The following SLK variants were observed in gnomAD, a reference collection of about 807,000 sequenced individuals.
The protein encoded by SLK is STE20 like kinase.
In SLK, 67 loss-of-function variants were observed where a neutral mutation model predicts 147.7. The ratio of observed to expected loss-of-function variants is 0.45; its 90% CI spans 0.37 to 0.56. SLK has a LOEUF of 0.56. Ranked by LOEUF, SLK falls within the 20% of genes least tolerant of loss-of-function variation. The probability of loss-of-function intolerance (pLI) is 0.00; values close to 1 mark genes in which losing one functional copy is unlikely to be tolerated. For missense variants in SLK, 1,136 were observed against 1,438.8 expected (o/e 0.79, Z 3.41); for synonymous variants, 441 against 475.0 (o/e 0.93, Z 0.93).
At chr10:103,989,409 T>C (rs1286018111) in intron 1 of SLK, among the ~76,000 whole-genome samples, 1 of 151,592 alleles carries the variant, frequency 6.6e-6, no homozygotes, top group Non-Finnish European at 1.5e-5. Context: ...AACTCATTCA[T>C]TGCTGGTGTG....
At chr10:103,995,595 T>A (rs1844160658) in intron 4 of SLK, among the ~76,000 whole-genome samples, 1 of 151,574 alleles carries the variant, frequency 6.6e-6, no homozygotes, top group South Asian at 2.1e-4. Context: ...CCCAGCTAAT[T>A]TTTGTTTTTT....
At chr10:104,002,134 C>A in intron 8 of SLK, 38 bp from the exon 9 acceptor site, 4 of 1,506,172 alleles carry the variant, frequency 2.7e-6, no homozygotes, top group Non-Finnish European at 3.6e-6. Context: ...ACTCTAAGGT[C>A]ATGTTTTAAC....
In SLK at chr10:104,005,593, A is replaced by G. The variant is rs1251332238; in HGVS notation, c.2382A>G (p.Lys794=). ...GAAGACAAAAGAAAACATTGAAGAA[A>G]ACACGCAAATTTATTGTTGATGGTG... ...ETRRQKKTLK[K]TRKFIVDGVE... The change falls in exon 10 of 19, where the codon AAA becomes AAG. Residue 794 remains lysine (K), a synonymous_variant. Transcript: ENST00000369755. The G allele has an allele frequency of 6.2e-7, 1 of 1,607,098 alleles. No homozygotes were observed. The highest frequency in any genetic ancestry group is 8.5e-7 in the Non-Finnish European group (1 of 1,178,106).
At position 104,006,865 on chromosome 10, in the gene SLK, T is replaced by C. The variant is rs555668780; in HGVS notation, c.2604+830T>C. Among the ~76,000 whole-genome samples the C allele has an allele frequency of 3.9e-5, 6 of 152,302 alleles. No homozygotes were observed. In the East Asian group the frequency reaches 1.2e-3, roughly 29 times the overall value. The stretch of plus-strand genomic sequence containing the variant: ...TATTTTTATAGTACTTATATTGTTT[T>C]CCAAAACCTTATAAAATCTGTATTT... On this transcript the variant is annotated intron_variant, in intron 11 of 18. Transcript: ENST00000369755.
chr10:104,006,743 TAAAG>T (rs747198879), intron 11 of SLK, among the ~76,000 whole-genome samples: 5 of 152,224 alleles, frequency 3.3e-5, no homozygotes, highest in Non-Finnish European at 7.3e-5. Flanking sequence ...TTTTAATTGA[TAAAG>T]ATTGTTTTGT....
In SLK at chr10:104,005,222, G is replaced by A. The variant is rs1844308964; in HGVS notation, c.2350-339G>A. ...ACAAATTGAAAAGATGAAAAAAAAG[G>A]ATAACATGTAAAGTTCTACTGATTA... On this transcript the variant is annotated intron_variant, in intron 9 of 18. Transcript: ENST00000369755. Among the ~76,000 whole-genome samples the A allele has an allele frequency of 2.6e-5, 4 of 152,150 alleles. No homozygotes were observed. The South Asian group carries it at 6.2e-4, about 24-fold the overall frequency.
intron 12 of SLK, among the ~76,000 whole-genome samples, chr10:104,009,431 TAC>T (rs1305238363): frequency 6.6e-6 from 1 of 152,134 alleles, no homozygotes; most frequent in Non-Finnish European, 1.5e-5. Flanking sequence ...CATTAATAAA[TAC>T]AGTGATTTTA....
chr10:103,990,379 A>G (rs1283974974), intron 1 of SLK, among the ~76,000 whole-genome samples: 1 of 152,126 alleles, frequency 6.6e-6, no homozygotes, highest in Non-Finnish European at 1.5e-5. Flanking sequence ...CAGATGTATC[A>G]CTCTGGTGTG....
chr10:104,008,168 G>A lies in SLK; in HGVS notation c.2605-9G>A, dbSNP rs80092109. The A allele has an allele frequency of 2.5e-3, 4,004 of 1,602,010 alleles. 90 individuals carry two copies. In the African/African-American group the frequency reaches 0.048, roughly 19 times the overall value. ...AAAAGTTATCATCTTGAGCTATATT[G>A]TTTTACAGAGTAAAAAGCGACAATA... On this transcript the variant is annotated splice_polypyrimidine_tract_variant and intron_variant, in intron 11 of 18. Transcript: ENST00000369755.
intron 7 of SLK, 125 bp from the exon 8 acceptor site, chr10:104,001,319 T>G (rs1322631425): frequency 2.7e-6 from 2 of 738,426 alleles, no homozygotes; most frequent in Non-Finnish European, 4.4e-6. Flanking sequence ...TTATCTGAAG[T>G]TTTCTGTCAT....
chr10:103,980,075 C>T (rs984506566), intron 1 of SLK, among the ~76,000 whole-genome samples: 2 of 151,986 alleles, frequency 1.3e-5, no homozygotes, highest in Non-Finnish European at 1.5e-5. Flanking sequence ...ATGTAGATAC[C>T]CAGTTGTCCC....
At chr10:104,025,354 A>T (rs1844583981) in intron 18 of SLK, among the ~76,000 whole-genome samples, 1 of 152,136 alleles carries the variant, frequency 6.6e-6, no homozygotes. Flanking sequence ...TAATATAGGG[A>T]AGTTAAGTAA....
chr10:104,001,089 A>G (rs1219643571), intron 7 of SLK, among the ~76,000 whole-genome samples: 1 of 148,640 alleles, frequency 6.7e-6, no homozygotes. Context: ...AAAAAAAAGT[A>G]ATAATGTAGT....
rs150455513 is a variant in SLK, at chr10:103,967,759, A to G, written c.14A>G (p.Asn5Ser). The G allele has an allele frequency of 3.2e-5, 52 of 1,613,942 alleles. No individual in the cohort carries two copies. The highest frequency in any genetic ancestry group is 1.6e-4 in the Middle Eastern group (1 of 6,082). The change falls in exon 1 of 19, where the codon AAT becomes AGT. Residue 5 changes from asparagine (N) to serine (S), a missense_variant. By Grantham distance (46) the Asn-to-Ser change is conservative (BLOSUM62 1). Transcript: ENST00000369755. MSFFNFRKIFKLGSE... is the reference protein window; with the variant it reads MSFFSFRKIFKLGSE... The stretch of plus-strand genomic sequence containing the variant: ...TTGGGAGGAAAAATGTCCTTCTTCA[A>G]TTTCCGTAAGATCTTCAAGTTGGGG...
chr10:104,007,768 C>CAAATAAATAAATAAATAAAT lies in SLK; in HGVS notation c.2605-397_2605-378dup, dbSNP rs58270517. 5.6e-3 allele frequency among the ~76,000 whole-genome samples: 824 copies of CAAATAAATAAATAAATAAAT among 147,400 alleles called. 7 individuals are homozygous for CAAATAAATAAATAAATAAAT. The highest frequency in any genetic ancestry group is 0.019 in the African/African-American group (733 of 39,402). ...CAACATAGTGATAGCCCTATCTCTC[C>CAAATAAATAAATAAATAAAT]AAATAAATAAATAAATAAATAAATA... is the stretch of plus-strand genomic sequence containing the variant. On this transcript the variant is annotated intron_variant, in intron 11 of 18. Coordinates refer to ENST00000369755, the MANE Select transcript of SLK (RefSeq NM_014720.4).
At chr10:104,011,756 T>G (rs1430230421) in intron 13 of SLK, among the ~76,000 whole-genome samples, 3 of 152,128 alleles carry the variant, frequency 2.0e-5, no homozygotes, top group Middle Eastern at 3.2e-3. Context: ...GAGATGGGGT[T>G]TCACCATGTT....
chr10:103,998,388 G>T (rs1376893408), intron 4 of SLK, among the ~76,000 whole-genome samples: 1 of 152,120 alleles, frequency 6.6e-6, no homozygotes, highest in Non-Finnish European at 1.5e-5. Flanking sequence ...AACTGAAAAA[G>T]CTATAATGTT....
chr10:103,986,212 G>A (rs1844010554), intron 1 of SLK, among the ~76,000 whole-genome samples: 1 of 151,750 alleles, frequency 6.6e-6, no homozygotes, highest in African/African-American at 2.4e-5. Flanking sequence ...TACTTTGTTT[G>A]TATTATTACT....
chr10:103,996,189 A>G (rs1034401387), intron 4 of SLK, among the ~76,000 whole-genome samples: 1 of 152,168 alleles, frequency 6.6e-6, no homozygotes, highest in African/African-American at 2.4e-5. Context: ...TTGCTGGATA[A>G]CAAATCCTTG....
Sources: allele counts gnomAD v4.1 joint callset (sites outside exome capture counted in the v4.1 genomes callset), GRCh38; gene constraint gnomAD v4.1.1; transcripts MANE v1.5; gene names NCBI Gene and HGNC (gene_info 2026-07-23, HGNC 2026-07-21).